Variants in FEZ2 observed in about 807,000 individuals in gnomAD.
FEZ2 encodes the protein fasciculation and elongation protein zeta 2.
Under a neutral mutation model 40.4 loss-of-function variants are expected in FEZ2, and 51 were observed. That is an observed-to-expected ratio of 1.26 (90% CI 1.01 to 1.59). The LOEUF (loss-of-function observed/expected upper bound fraction) is 1.59. Among genes scored for constraint, FEZ2 ranks in the 40% most tolerant of loss-of-function variants. The pLI is 0.00. For missense variants in FEZ2, 640 were observed against 438.3 expected, an observed-to-expected ratio of 1.46 and a Z score of -4.11; for synonymous variants, 242 against 172.0, an observed-to-expected ratio of 1.41 and a Z score of -3.18.
chr2:36,569,226 A>T (rs1336196870), intron 5 of FEZ2, among the ~76,000 whole-genome samples: 1 of 152,216 alleles, frequency 6.6e-6, no homozygotes, highest in African/African-American at 2.4e-5. Context: ...CAATATTCAA[A>T]AAAGTATTGG....
chr2:36,578,796 TA>T lies in FEZ2; in HGVS notation c.703del (p.Tyr235ThrfsTer21). Reference sequence around the variant, plus strand: ...CAACTGCTGCACCAGCTCCTCAGAGTACTCCTTAATGGCAGTCTCAATTTCT... The same window carrying T: ...CAACTGCTGCACCAGCTCCTCAGAGTCTCCTTAATGGCAGTCTCAATTTCT... Reference protein sequence around the residue: ...LEEIETAIKEYSEELVQQLAL... With the variant: ...LEEIETAIKEXSEELVQQLAL... On this transcript the variant is annotated frameshift_variant, in exon 5 of 8. Transcript: ENST00000405912. LOFTEE classifies it high-confidence loss of function. 1 of 1,613,802 alleles carries T rather than the reference TA, an allele frequency of 6.2e-7. No individual in the cohort carries two copies.
At position 36,591,390 on chromosome 2, in the gene FEZ2, T is replaced by A. The variant is rs531871920; in HGVS notation, c.267-379A>T. ...AACCTCATTTTACAGATGAAGAAAC[T>A]GAAACACAGGGCGGGGAAGAAATGT... On this transcript the variant is annotated intron_variant, in intron 1 of 7. Transcript: ENST00000405912. 4.6e-5 allele frequency: 8 copies of A among 172,084 alleles called. 2 individuals are homozygous for A. Among genetic ancestry groups the A allele is most frequent in the African/African-American group, 1.7e-4 (7 of 42,006 alleles). 10.7% of individuals were successfully genotyped at this position (172,084 alleles called of 1,614,324 possible). A position where few individuals can be genotyped will look rare whatever the true frequency, so the allele number is the denominator to read the frequency against.
In FEZ2 at chr2:36,588,463, T is replaced by C. The variant is rs142041242; in HGVS notation, c.375+2440A>G. Among the ~76,000 whole-genome samples, 480 of 152,250 alleles carry C rather than the reference T, an allele frequency of 3.2e-3. 4 individuals carry two copies. Among genetic ancestry groups the C allele is most frequent in the African/African-American group, 0.011 (448 of 41,548 alleles). On this transcript the variant is annotated intron_variant, in intron 2 of 7. Transcript: ENST00000405912. ...AAGGGAGCAACCTCCCAAGATGCAA[T>C]CTAAGAACAATACAAGACATACAGC...
At chr2:36,581,985 G>A (rs1164824756) in intron 3 of FEZ2, among the ~76,000 whole-genome samples, 2 of 151,996 alleles carry the variant, frequency 1.3e-5, no homozygotes, top group Non-Finnish European at 2.9e-5. Flanking sequence ...GAAAAAAAGG[G>A]ATTTTTTAAA....
At chr2:36,593,293 G>A (rs955902857) in intron 1 of FEZ2, among the ~76,000 whole-genome samples, 3 of 152,034 alleles carry the variant, frequency 2.0e-5, no homozygotes, top group South Asian at 2.1e-4. Flanking sequence ...CATGGACAGC[G>A]GCCCTCTTCT....
intron 2 of FEZ2, among the ~76,000 whole-genome samples, chr2:36,587,686 A>G (rs776676412): frequency 6.6e-6 from 1 of 152,212 alleles, no homozygotes; most frequent in Non-Finnish European, 1.5e-5. Flanking sequence ...ACTTGGTTTT[A>G]TAAGTAAAAT....
In FEZ2 at chr2:36,598,011, G is replaced by C. The variant is rs1266111607; in HGVS notation, c.132C>G (p.Ala44=). 6.7e-7 allele frequency: 1 copy of C among 1,496,714 alleles called. No individual in the cohort carries two copies. The highest frequency in any genetic ancestry group is 1.2e-5 in the South Asian group (1 of 80,738). The allele number at this position is 1,496,714 out of a possible 1,614,324, so 92.7% of individuals were successfully genotyped here. A position where few individuals can be genotyped will look rare whatever the true frequency, so the allele number is the denominator to read the frequency against. Residue 44 remains alanine (A), a synonymous_variant, in exon 1 of 8, where the codon GCC becomes GCG. Coordinates refer to ENST00000405912, the MANE Select transcript of FEZ2 (RefSeq NM_005102.3). ...AEAGAEAGGG[A]DGFPAPACSL... is the part of the protein sequence containing the mutation. ...TGCAGGCCGGGGCCGGGAAACCGTC[G>C]GCGCCCCCACCCGCCTCGGCCCCCG... is the stretch of plus-strand genomic sequence containing the variant.
chr2:36,581,185 A>G (rs1668731627), intron 4 of FEZ2, 105 bp downstream of exon 4: 2 of 1,096,678 alleles, frequency 1.8e-6, no homozygotes, highest in Non-Finnish European at 2.6e-6. Context: ...GGACACAAAC[A>G]CAAACAGAAG....
intron 5 of FEZ2, among the ~76,000 whole-genome samples, chr2:36,577,223 C>T (rs1291737320): frequency 6.6e-6 from 1 of 151,234 alleles, no homozygotes; most frequent in Non-Finnish European, 1.5e-5. Flanking sequence ...TAATAGATAC[C>T]TGAGAACTTT....
In FEZ2 at chr2:36,598,151, G is replaced by T; in HGVS notation, c.-9C>A. 1.4e-6 allele frequency: 2 copies of T among 1,457,556 alleles called. No individual in the cohort carries two copies. 90.3% of individuals were successfully genotyped at this position (1,457,556 alleles called of 1,614,324 possible). A position where few individuals can be genotyped will look rare whatever the true frequency, so the allele number is the denominator to read the frequency against. On this transcript the variant is annotated 5_prime_UTR_variant, in exon 1 of 8. Transcript: ENST00000405912. ...TCCCCGTCCGCCGCCATCGCCGCCC[G>T]GAGCAGTCGCGCGCCCCGCCCAGGC...
chr2:36,554,891 C>A (rs1274074960), intron 7 of FEZ2, among the ~76,000 whole-genome samples: 5 of 152,208 alleles, frequency 3.3e-5, no homozygotes, highest in African/African-American at 1.2e-4. Context: ...AAGACTGTTA[C>A]TAGAAGAGGA....
chr2:36,592,361 C>T (rs1395863743), intron 1 of FEZ2, among the ~76,000 whole-genome samples: 1 of 152,018 alleles, frequency 6.6e-6, no homozygotes, highest in Non-Finnish European at 1.5e-5. Context: ...TTTGCTGCAC[C>T]TATCAACCCA....
rs376187272 is a variant in FEZ2, at chr2:36,586,202, C to T, written c.376-2733G>A. 1.5e-4 allele frequency among the ~76,000 whole-genome samples: 23 copies of T among 152,278 alleles called. No individual in the cohort carries two copies. The East Asian group carries it at 2.1e-3, about 14-fold the overall frequency. ...ATGTCGATACCATGGAGTAGACCTA[C>T]CGATTAGTTTCATCGATCCTTACAC... On this transcript the variant is annotated intron_variant, in intron 2 of 7. Coordinates refer to ENST00000405912, the MANE Select transcript of FEZ2 (RefSeq NM_005102.3).
chr2:36,595,365 G>A (rs1345669473), intron 1 of FEZ2, among the ~76,000 whole-genome samples: 1 of 151,980 alleles, frequency 6.6e-6, no homozygotes, highest in Non-Finnish European at 1.5e-5. Context: ...AGGGGAAACA[G>A]TGACAGATCA....
chr2:36,590,438 G>C (rs904099488), intron 2 of FEZ2: 2 of 154,640 alleles, frequency 1.3e-5, no homozygotes, highest in African/African-American at 4.8e-5. Flanking sequence ...AGCACTCTGG[G>C]AGGTGAATTA....
chr2:36,590,751 C>A (rs1356585545), intron 2 of FEZ2, 152 bp downstream of exon 2: 2 of 575,352 alleles, frequency 3.5e-6, no homozygotes, highest in Non-Finnish European at 3.1e-6. Flanking sequence ...GATGGCCCTA[C>A]AGCCAAGACA....
chr2:36,589,393 T>C (rs1267253327), intron 2 of FEZ2, among the ~76,000 whole-genome samples: 2 of 152,244 alleles, frequency 1.3e-5, no homozygotes, highest in Non-Finnish European at 2.9e-5. Context: ...TGCAGGAATT[T>C]AGGCCATGGC....
chr2:36,570,104 A>C (rs1285488177), intron 5 of FEZ2, among the ~76,000 whole-genome samples: 1 of 152,126 alleles, frequency 6.6e-6, no homozygotes, highest in Non-Finnish European at 1.5e-5. Flanking sequence ...TTAGAGTAAA[A>C]ATATTCAAAT....
chr2:36,570,647 T>C (rs999249833), intron 5 of FEZ2, among the ~76,000 whole-genome samples: 2 of 152,190 alleles, frequency 1.3e-5, no homozygotes, highest in Non-Finnish European at 2.9e-5. Flanking sequence ...ACCTACATAA[T>C]TGTATAGTCT....
Sources: allele counts gnomAD v4.1 joint callset (sites outside exome capture counted in the v4.1 genomes callset), GRCh38; gene constraint gnomAD v4.1.1; transcripts MANE v1.5; gene names NCBI Gene and HGNC (gene_info 2026-07-23, HGNC 2026-07-21).